The following LRMDA variants were observed in gnomAD, a reference collection of about 807,000 sequenced individuals.
LRMDA encodes leucine-rich melanocyte differentiation-associated protein.
LRMDA carries 18 observed loss-of-function variants against 29.8 expected under a neutral mutation model. The observed-to-expected ratio is 0.60, with a 90% CI of 0.42 to 0.90. The LOEUF (loss-of-function observed/expected upper bound fraction) is 0.90. LRMDA is among the 40% of genes least tolerant of loss of function. The probability of loss-of-function intolerance (pLI) is 0.00; values close to 1 mark genes in which losing one functional copy is unlikely to be tolerated. For missense variants in LRMDA, 273 were observed against 273.9 expected, an observed-to-expected ratio of 1.00 and a Z score of 0.02; for synonymous variants, 125 against 109.4, an observed-to-expected ratio of 1.14 and a Z score of -0.89.
chr10:75,478,300 G>T (rs1032507473), intron 2 of LRMDA, among the ~76,000 whole-genome samples: 3 of 152,176 alleles, frequency 2.0e-5, no homozygotes, highest in Non-Finnish European at 4.4e-5. Context: ...TCAGGCAAAA[G>T]GTCCTTGGTT....
chr10:76,548,830 C>T (rs1843453166), intron 6 of LRMDA, among the ~76,000 whole-genome samples: 1 of 152,158 alleles, frequency 6.6e-6, no homozygotes, highest in African/African-American at 2.4e-5. Flanking sequence ...GAAATATTCC[C>T]TGCCAGATAA....
chr10:76,366,097 T>C (rs1266017894), intron 6 of LRMDA, among the ~76,000 whole-genome samples: 1 of 152,214 alleles, frequency 6.6e-6, no homozygotes, highest in Non-Finnish European at 1.5e-5. Context: ...TCCATTGGTC[T>C]GAGTGCCTAT....
chr10:75,878,211 G>A (rs781260392), intron 2 of LRMDA, among the ~76,000 whole-genome samples: 1 of 152,046 alleles, frequency 6.6e-6, no homozygotes. Context: ...TTTGCATCCC[G>A]TGTTCTTGCC....
At chr10:75,571,739 C>A (rs1232088101) in intron 2 of LRMDA, among the ~76,000 whole-genome samples, 1 of 152,076 alleles carries the variant, frequency 6.6e-6, no homozygotes, top group Non-Finnish European at 1.5e-5. Context: ...CTACAAGAGA[C>A]TTTTGGGACT....
intron 5 of LRMDA, among the ~76,000 whole-genome samples, chr10:76,065,136 G>A (rs774053435): frequency 2.6e-5 from 4 of 152,098 alleles, no homozygotes; most frequent in Non-Finnish European, 5.9e-5. Context: ...TGACTTCACA[G>A]TTTGCACGTT....
intron 2 of LRMDA, among the ~76,000 whole-genome samples, chr10:75,804,794 G>A (rs1253806524): frequency 2.6e-5 from 4 of 152,204 alleles, no homozygotes; most frequent in African/African-American, 7.2e-5. Context: ...CTTGTCCTTT[G>A]TATAAGCTGT....
At chr10:75,982,031 A>G (rs1477747569) in intron 2 of LRMDA, among the ~76,000 whole-genome samples, 1 of 152,026 alleles carries the variant, frequency 6.6e-6, no homozygotes, top group East Asian at 1.9e-4. Context: ...CTCTTCTTAC[A>G]TATGTGCCCC....
At chr10:75,558,152 A>G (rs1036366091) in intron 2 of LRMDA, among the ~76,000 whole-genome samples, 2 of 146,638 alleles carry the variant, frequency 1.4e-5, no homozygotes, top group African/African-American at 5.1e-5. Context: ...TGTCAGTGGT[A>G]TGATTTTTTT....
chr10:75,486,345 T>C (rs145102123), intron 2 of LRMDA, among the ~76,000 whole-genome samples: 3 of 152,240 alleles, frequency 2.0e-5, no homozygotes, highest in Non-Finnish European at 4.4e-5. Context: ...GAATTGATAT[T>C]ACACTTCTTG....
chr10:76,540,449 A>G (rs1483091015), intron 6 of LRMDA, among the ~76,000 whole-genome samples: 1 of 152,232 alleles, frequency 6.6e-6, no homozygotes, highest in Non-Finnish European at 1.5e-5. Flanking sequence ...AATAACATTT[A>G]CATCTGTGTA....
chr10:76,470,447 C>G (rs931449619), intron 6 of LRMDA: 4 of 152,068 alleles, frequency 2.6e-5, no homozygotes, highest in Non-Finnish European at 5.9e-5. Flanking sequence ...ACTTGTACAC[C>G]TATGTTCATA....
chr10:75,660,283 G>T (rs1355030574), intron 2 of LRMDA, among the ~76,000 whole-genome samples: 1 of 152,206 alleles, frequency 6.6e-6, no homozygotes, highest in African/African-American at 2.4e-5. Context: ...AATGTGAAGA[G>T]ACAGTTGAGT....
chr10:75,983,116 G>T lies in LRMDA; in HGVS notation c.132-52892G>T, dbSNP rs116764875. ...CAAGTCAACCTCCACTTGAAGGCAGGGGGGAGCTCGGGTTGTAGTAAACAA... is the reference window on the plus strand; with the variant it reads ...CAAGTCAACCTCCACTTGAAGGCAGTGGGGAGCTCGGGTTGTAGTAAACAA... On this transcript the variant is annotated intron_variant, in intron 2 of 6. Transcript: ENST00000611255. 8.2e-3 allele frequency among the ~76,000 whole-genome samples: 1,253 copies of T among 152,216 alleles called. 22 individuals carry two copies. The highest frequency in any genetic ancestry group is 0.029 in the African/African-American group (1,205 of 41,528).
chr10:76,275,676 A>G (rs1840122244), intron 5 of LRMDA, among the ~76,000 whole-genome samples: 1 of 152,094 alleles, frequency 6.6e-6, no homozygotes, highest in Non-Finnish European at 1.5e-5. Context: ...TTCTTTTTAA[A>G]TCCATTAAAT....
chr10:75,631,507 C>A (rs1472566572), intron 2 of LRMDA, among the ~76,000 whole-genome samples: 1 of 151,640 alleles, frequency 6.6e-6, no homozygotes. Flanking sequence ...TTGGTCCTTT[C>A]CATTTTTGAT....
intron 5 of LRMDA, among the ~76,000 whole-genome samples, chr10:76,224,872 C>T (rs1377739471): frequency 6.6e-6 from 1 of 151,724 alleles, no homozygotes; most frequent in African/African-American, 2.4e-5. Context: ...GTCCCCCTAC[C>T]CCTTTACATC....
chr10:76,146,384 G>A (rs1850321443), intron 5 of LRMDA, among the ~76,000 whole-genome samples: 1 of 151,622 alleles, frequency 6.6e-6, no homozygotes, highest in Non-Finnish European at 1.5e-5. Flanking sequence ...CCTGTATTGG[G>A]TGCATATATA....
At chr10:76,297,529 A>G (rs2132355891) in intron 5 of LRMDA, among the ~76,000 whole-genome samples, 1 of 152,330 alleles carries the variant, frequency 6.6e-6, no homozygotes, top group African/African-American at 2.4e-5. Flanking sequence ...TAGTAGAACA[A>G]GCTTGGAGTT....
Position 75,586,892 on chromosome 10 carries a change from T to C in LRMDA, c.131+148398T>C, listed in dbSNP as rs140957064. Among the ~76,000 whole-genome samples the C allele has an allele frequency of 6.2e-3, 947 of 152,244 alleles. 9 individuals are homozygous for C. The highest frequency in any genetic ancestry group is 0.02 in the African/African-American group (836 of 41,544). ...GGAGATTAACCTCTTATCAGGCATA[T>C]GGTTTGCAAATATTTTCTCCCATTC... On this transcript the variant is annotated intron_variant, in intron 2 of 6. Coordinates refer to ENST00000611255, the MANE Select transcript of LRMDA (RefSeq NM_001305581.2).
Sources: gnomAD v4.1 joint callset for allele counts (sites outside exome capture counted in the v4.1 genomes callset) on GRCh38, gnomAD v4.1.1 for gene constraint, MANE v1.5 for transcripts, NCBI Gene and HGNC (gene_info 2026-07-23, HGNC 2026-07-21) for gene names.